OTOL1: variants seen among roughly 807,000 people sequenced by gnomAD.
OTOL1 encodes otolin 1.
Under a neutral mutation model 25.0 loss-of-function variants are expected in OTOL1, and 31 were observed. The ratio of observed to expected loss-of-function variants is 1.24; its 90% CI spans 0.93 to 1.67. OTOL1 has a LOEUF of 1.67. OTOL1 is among the 40% of genes most tolerant of loss of function. The pLI, the probability that OTOL1 is intolerant of heterozygous loss-of-function variation, is 0.00. For synonymous variants in OTOL1, 225 were observed against 210.3 expected, an observed-to-expected ratio of 1.07 and a Z score of -0.61; for missense variants, 654 against 587.7, an observed-to-expected ratio of 1.11 and a Z score of -1.17.
intron 1 of OTOL1, among the ~76,000 whole-genome samples, chr3:161,498,009 C>A (rs1292371384): frequency 2.0e-5 from 3 of 152,106 alleles, no homozygotes; most frequent in Non-Finnish European, 4.4e-5. Flanking sequence ...TTCATTTCAT[C>A]CCTTTGTAGG....
chr3:161,503,653 G>T lies in OTOL1; in HGVS notation c.1145G>T (p.Cys382Phe). Reference protein sequence around the residue: ...NYSPVTGKFNCSIPGTYVFSY... With the variant: ...NYSPVTGKFNFSIPGTYVFSY... ...AGTCCTGTCACTGGGAAGTTTAACT[G>T]CTCTATTCCTGGGACATATGTTTTT... The change falls in exon 4 of 4, where the codon TGC becomes TTC. Residue 382 changes from cysteine to phenylalanine, a missense_variant. Transcript: ENST00000327928. 1 of 1,613,814 alleles carries T rather than the reference G, an allele frequency of 6.2e-7. No homozygotes were observed. The highest frequency in any genetic ancestry group is 8.5e-7 in the Non-Finnish European group (1 of 1,179,836).
intron 3 of OTOL1, 69 bp from the exon 4 acceptor site, chr3:161,502,957 C>T: frequency 3.4e-6 from 4 of 1,180,588 alleles, no homozygotes; most frequent in Non-Finnish European, 4.4e-6. Flanking sequence ...CTTTTTTGAG[C>T]TCTGTGGTAA....
At chr3:161,502,776 A>G (rs1158903270) in intron 3 of OTOL1, among the ~76,000 whole-genome samples, 1 of 152,170 alleles carries the variant, frequency 6.6e-6, no homozygotes, top group Non-Finnish European at 1.5e-5. Flanking sequence ...AAAAAACAAA[A>G]AGAATTAGAT....
At chr3:161,498,585 A>T (rs1718894379) in intron 1 of OTOL1, among the ~76,000 whole-genome samples, 1 of 152,150 alleles carries the variant, frequency 6.6e-6, no homozygotes, top group African/African-American at 2.4e-5. Flanking sequence ...TAAGTCCTCA[A>T]TAAGACCTTC....
intron 1 of OTOL1, among the ~76,000 whole-genome samples, chr3:161,498,648 TG>T (rs1718896075): frequency 6.6e-6 from 1 of 152,196 alleles, no homozygotes; most frequent in South Asian, 2.1e-4. Flanking sequence ...CGTATTTGTG[TG>T]GCTATTTGTT....
In OTOL1 at chr3:161,496,853, A is replaced by G; in HGVS notation, c.46A>G (p.Ile16Val). 6.2e-7 allele frequency: 1 copy of G among 1,603,272 alleles called. No homozygotes were observed. Among genetic ancestry groups the G allele is most frequent in the African/African-American group, 1.3e-5 (1 of 74,408 alleles). ...TTGTGCTATTTTAATTATTTTGGCT[A>G]TTGCTGGTATGAACACAATAGCAAA... ...WLCAILIILA[I>V]AGMNTIAKTT... Residue 16 changes from isoleucine (I) to valine (V), a missense_variant, in exon 1 of 4, where the codon ATT becomes GTT. By Grantham distance (29) the Ile-to-Val change is conservative (BLOSUM62 3). Transcript: ENST00000327928.
chr3:161,500,076 C>T (rs1576946193), intron 2 of OTOL1, among the ~76,000 whole-genome samples: 2 of 152,242 alleles, frequency 1.3e-5, no homozygotes, highest in South Asian at 4.2e-4. Flanking sequence ...TACCAGCAGC[C>T]TGTAGAAATA....
At chr3:161,502,013 T>C (rs1480286813) in intron 2 of OTOL1, among the ~76,000 whole-genome samples, 1 of 152,114 alleles carries the variant, frequency 6.6e-6, no homozygotes, top group Non-Finnish European at 1.5e-5. Flanking sequence ...ACTACAGGTG[T>C]GCACCACCAA....
In OTOL1 at chr3:161,499,081, A is replaced by G. The variant is rs183479315; in HGVS notation, c.365-90A>G. The G allele has an allele frequency of 1.5e-4, 146 of 947,990 alleles. No individual in the cohort carries two copies. In the East Asian group the frequency reaches 3.5e-3, roughly 23 times the overall value. The allele number at this position is 947,990 out of a possible 1,614,324, so 58.7% of individuals were successfully genotyped here. On this transcript the variant is annotated intron_variant, in intron 1 of 3. Coordinates refer to ENST00000327928, the MANE Select transcript of OTOL1 (RefSeq NM_001080440.1). ...ACCATTAGGTCATTGATACTTATTG[A>G]TTGCAGTAAAATGCTTTTTTTCTTT...
rs757027586 is a variant in OTOL1 at position 161,503,576 on chromosome 3, T to A, written c.1068T>A (p.Pro356=). The A allele has an allele frequency of 6.2e-7, 1 of 1,613,732 alleles. No homozygotes were observed. Among genetic ancestry groups the A allele is most frequent in the South Asian group, 1.1e-5 (1 of 91,064 alleles). The part of the protein sequence containing the change: ...SAGLSKPFPP[P]NIPIKFEKIL... ...GTTTGTCAAAGCCATTTCCTCCTCC[T>A]AACATCCCCATCAAATTTGAAAAGA... The change falls in exon 4 of 4, where the codon CCT becomes CCA. Residue 356 remains proline (P), a synonymous_variant. Transcript: ENST00000327928.
In OTOL1 at chr3:161,499,212, C is replaced by A; in HGVS notation, c.406C>A (p.Pro136Thr). 1 of 1,611,600 alleles carries A rather than the reference C, an allele frequency of 6.2e-7. No individual in the cohort carries two copies. The highest frequency in any genetic ancestry group is 8.5e-7 in the Non-Finnish European group (1 of 1,178,984). ...EAGNLGIPGPPGVVGPQGPRG... is the reference protein window; with the variant it reads ...EAGNLGIPGPTGVVGPQGPRG... ...TGGAAATTTGGGGATCCCAGGGCCACCAGGAGTTGTTGGGCCCCAAGGCCC... is the reference window on the plus strand; with the variant it reads ...TGGAAATTTGGGGATCCCAGGGCCAACAGGAGTTGTTGGGCCCCAAGGCCC... Residue 136 changes from proline (P) to threonine (T), a missense_variant, in exon 2 of 4, where the codon CCA becomes ACA. Transcript: ENST00000327928.
intron 3 of OTOL1, among the ~76,000 whole-genome samples, chr3:161,502,736 G>C (rs971228272): frequency 6.6e-6 from 1 of 152,076 alleles, no homozygotes; most frequent in Non-Finnish European, 1.5e-5. Flanking sequence ...AACAACTACA[G>C]TCCTAATATT....
rs1419751569 is a variant in OTOL1, at chr3:161,502,327, GA to G, written c.476del (p.Asp159AlafsTer31). ...CTTAGGACTCAAAGGAGAACGTGGG[GA>G]CCAAGGAGTTCCAGGATACCCAGGA... ...GEKGLKGERG[D>X]QGVPGYPGKP... On this transcript the variant is annotated frameshift_variant, in exon 3 of 4. Coordinates refer to ENST00000327928, the MANE Select transcript of OTOL1 (RefSeq NM_001080440.1). LOFTEE classifies it low-confidence loss of function (END_TRUNC). 17 of 1,613,298 alleles carry G rather than the reference GA, an allele frequency of 1.1e-5. No individual in the cohort carries two copies. Among genetic ancestry groups the G allele is most frequent in the Non-Finnish European group, 1.4e-5 (17 of 1,179,668 alleles).
In OTOL1 at chr3:161,503,583, C is replaced by A. The variant is rs1043177892; in HGVS notation, c.1075C>A (p.Pro359Thr). ...AAAGCCATTTCCTCCTCCTAACATC[C>A]CCATCAAATTTGAAAAGATTCTCTA... ...LSKPFPPPNI[P>T]IKFEKILYND... The change falls in exon 4 of 4, where the codon CCC becomes ACC. Residue 359 changes from proline to threonine, a missense_variant. By Grantham distance (38) the Pro-to-Thr change is conservative. Coordinates refer to ENST00000327928, the MANE Select transcript of OTOL1 (RefSeq NM_001080440.1). 2 of 1,613,678 alleles carry A rather than the reference C, an allele frequency of 1.2e-6. No individual in the cohort carries two copies. Among genetic ancestry groups the A allele is most frequent in the Middle Eastern group, 1.6e-4 (1 of 6,084 alleles).
At chr3:161,498,018 G>A (rs1718877983) in intron 1 of OTOL1, among the ~76,000 whole-genome samples, 1 of 152,068 alleles carries the variant, frequency 6.6e-6, no homozygotes, top group Non-Finnish European at 1.5e-5. Context: ...TCCCTTTGTA[G>A]GGACCTTTTG....
chr3:161,503,599 A>G lies in OTOL1; in HGVS notation c.1091A>G (p.Lys364Arg). Residue 364 changes from lysine to arginine, a missense_variant, in exon 4 of 4, where the codon AAG becomes AGG. Physicochemically the swap from Lys to Arg is conservative, Grantham distance 26. Transcript: ENST00000327928. The stretch of plus-strand genomic sequence containing the variant: ...CCTAACATCCCCATCAAATTTGAAA[A>G]GATTCTCTATAATGACCAAGGGAAT... ...PPPNIPIKFE[K>R]ILYNDQGNYS... The G allele has an allele frequency of 6.2e-7, 1 of 1,613,814 alleles. No homozygotes were observed. Among genetic ancestry groups the G allele is most frequent in the Non-Finnish European group, 8.5e-7 (1 of 1,179,856 alleles).
In OTOL1 at chr3:161,496,825, G is replaced by A; in HGVS notation, c.18G>A (p.Trp6Ter). 1 of 1,570,952 alleles carries A rather than the reference G, an allele frequency of 6.4e-7. No individual in the cohort carries two copies. Among genetic ancestry groups the A allele is most frequent in the Non-Finnish European group, 8.6e-7 (1 of 1,158,924 alleles). Residue 6 changes from tryptophan (W) to a stop codon, truncating the protein, a stop_gained, in exon 1 of 4, where the codon TGG (tryptophan) becomes TGA (stop). Transcript: ENST00000327928. LOFTEE classifies it high-confidence loss of function. The part of the protein sequence containing the change: MWMFS[W>*]LCAILIILAI... ...CTTCAAATATGTGGATGTTTTCTTGGCTTTGTGCTATTTTAATTATTTTGG... is the reference window on the plus strand; with the variant it reads ...CTTCAAATATGTGGATGTTTTCTTGACTTTGTGCTATTTTAATTATTTTGG...
chr3:161,497,552 G>T (rs1017691499), intron 1 of OTOL1, among the ~76,000 whole-genome samples: 3 of 152,038 alleles, frequency 2.0e-5, no homozygotes, highest in Admixed American at 6.6e-5. Flanking sequence ...AAGATGCACA[G>T]GTTTATTACC....
intron 3 of OTOL1, 80 bp from the exon 4 acceptor site, chr3:161,502,946 A>G (rs1265333141): frequency 8.9e-7 from 1 of 1,121,314 alleles, no homozygotes; most frequent in Non-Finnish European, 1.2e-6. Flanking sequence ...GTTTGTTTCT[A>G]CTTTTTTGAG....
Sources: allele counts gnomAD v4.1 joint callset (sites outside exome capture counted in the v4.1 genomes callset), GRCh38; gene constraint gnomAD v4.1.1; transcripts MANE v1.5; gene names NCBI Gene and HGNC (gene_info 2026-07-23, HGNC 2026-07-21).